The following FARP2 variants were observed in gnomAD, a reference collection of about 807,000 sequenced individuals.
The protein encoded by FARP2 is FERM, ARH/RhoGEF and pleckstrin domain protein 2.
Under a neutral mutation model 130.5 loss-of-function variants are expected in FARP2, and 111 were observed. That is an observed-to-expected ratio of 0.85 (90% confidence interval 0.73 to 1.00). The LOEUF (loss-of-function observed/expected upper bound fraction) is 1.00. Ranked by LOEUF, FARP2 falls within the 50% of genes least tolerant of loss-of-function variation. The pLI, the probability that FARP2 is intolerant of heterozygous loss-of-function variation, is 0.00. For synonymous variants in FARP2, 504 were observed against 516.9 expected (o/e 0.98, Z 0.34); for missense variants, 1,385 against 1,346.3 (o/e 1.03, Z -0.45).
intron 7 of FARP2, among the ~76,000 whole-genome samples, chr2:241,415,918 CA>C (rs1245263509): frequency 1.3e-5 from 2 of 151,894 alleles, no homozygotes; most frequent in Admixed American, 6.6e-5. Context: ...GAGGCAGTGA[CA>C]ACATCTTTGG....
chr2:241,391,761 T>C (rs2150328939), intron 2 of FARP2, among the ~76,000 whole-genome samples: 1 of 152,256 alleles, frequency 6.6e-6, no homozygotes, highest in African/African-American at 2.4e-5. Context: ...GGATTTGGCT[T>C]TTTTTCTCCC....
intron 2 of FARP2, among the ~76,000 whole-genome samples, chr2:241,380,456 A>T (rs2061635170): frequency 6.6e-6 from 1 of 152,146 alleles, no homozygotes; most frequent in Non-Finnish European, 1.5e-5. Context: ...AGGCTAGAAA[A>T]GCTGAGCTTG....
chr2:241,473,592 G>T (rs987558940), intron 18 of FARP2, among the ~76,000 whole-genome samples: 4 of 152,190 alleles, frequency 2.6e-5, no homozygotes, highest in East Asian at 3.8e-4. Flanking sequence ...TGGCAGTCAG[G>T]CTCCCAGCCC....
At chr2:241,492,083 C>T (rs530771816) in intron 24 of FARP2, among the ~76,000 whole-genome samples, 130 of 152,356 alleles carry the variant, frequency 8.5e-4, no homozygotes, top group Admixed American at 1.5e-3. Context: ...TATCTCACTG[C>T]ATGGGCCCGG....
chr2:241,370,899 A>G (rs1216849293), intron 1 of FARP2, among the ~76,000 whole-genome samples: 4 of 152,224 alleles, frequency 2.6e-5, no homozygotes, highest in Non-Finnish European at 4.4e-5. Flanking sequence ...AGACAGCTGA[A>G]GATGATGGGT....
Position 241,459,840 on chromosome 2 carries a change from G to A in FARP2, c.1588-2683G>A, listed in dbSNP as rs1053660593. On this transcript the variant is annotated intron_variant, in intron 14 of 26. Transcript: ENST00000264042. This position sits in a 1 kb window ranked among gnomAD's most constrained non-coding sequence, Gnocchi z 5.3. The stretch of plus-strand genomic sequence containing the variant: ...TGGGCGGGGCGGGGCGGGGGCAGGG[G>A]CGGGACGGAAGACCCTTCTCTTGGC... Among the ~76,000 whole-genome samples, 1 of 151,216 alleles carries A rather than the reference G, an allele frequency of 6.6e-6. No homozygotes were observed. The highest frequency in any genetic ancestry group is 2.4e-5 in the African/African-American group (1 of 41,036).
At position 241,468,255 on chromosome 2, in the gene FARP2, G is replaced by C; in HGVS notation, c.2009G>C (p.Cys670Ser). The C allele has an allele frequency of 6.2e-7, 1 of 1,614,052 alleles. No homozygotes were observed. Among genetic ancestry groups the C allele is most frequent in the Non-Finnish European group, 8.5e-7 (1 of 1,180,002 alleles). The change falls in exon 18 of 27, where the codon TGC becomes TCC. Residue 670 changes from cysteine to serine, a missense_variant. Physicochemically the swap from Cys to Ser is moderately radical, Grantham distance 112. Coordinates refer to ENST00000264042, the MANE Select transcript of FARP2 (RefSeq NM_014808.4). ...VYKEFELQKV[C>S]YLPLNTFLLK... ...AAGGAGTTTGAGCTGCAGAAGGTCT[G>C]CTACTTGCCTCTCAACACGTTCCTG... is the stretch of plus-strand genomic sequence containing the variant.
At chr2:241,387,994 C>T (rs2061828013) in intron 2 of FARP2, among the ~76,000 whole-genome samples, 1 of 152,066 alleles carries the variant, frequency 6.6e-6, no homozygotes, top group Non-Finnish European at 1.5e-5. Flanking sequence ...GATGGCAATA[C>T]TCTCAAACTG....
intron 12 of FARP2, among the ~76,000 whole-genome samples, chr2:241,438,669 G>A (rs997525563): frequency 7.1e-6 from 1 of 140,582 alleles, no homozygotes; most frequent in African/African-American, 2.7e-5. Context: ...TCGCTCTGTC[G>A]CCCAGGCTGG....
intron 2 of FARP2, among the ~76,000 whole-genome samples, chr2:241,391,514 G>A (rs1455124722): frequency 6.6e-6 from 1 of 152,208 alleles, no homozygotes; most frequent in Non-Finnish European, 1.5e-5. Context: ...TTCCACTGGT[G>A]TCTCTGTGAG....
At chr2:241,457,277 C>T (rs1288227424) in intron 14 of FARP2, among the ~76,000 whole-genome samples, 2 of 146,202 alleles carry the variant, frequency 1.4e-5, no homozygotes, top group South Asian at 2.1e-4. Flanking sequence ...TTCTCCCTCC[C>T]GTCCTCCCTC....
Position 241,431,701 on chromosome 2 carries a change from T to A in FARP2, c.794T>A (p.Phe265Tyr). The A allele has an allele frequency of 6.2e-7, 1 of 1,600,804 alleles. No homozygotes were observed. Among genetic ancestry groups the A allele is most frequent in the Non-Finnish European group, 8.5e-7 (1 of 1,169,984 alleles). Reference sequence around the variant, plus strand: ...CAGGGCACCACCAAAATCAACACTTTCAACTGGTCCAAGGTCCGTAAACTA... The same window carrying A: ...CAGGGCACCACCAAAATCAACACTTACAACTGGTCCAAGGTCCGTAAACTA... ...VFQGTTKINTFNWSKVRKLSF... is the reference protein window; with the variant it reads ...VFQGTTKINTYNWSKVRKLSF... The change falls in exon 9 of 27, where the codon TTC (phenylalanine) becomes TAC (tyrosine). Residue 265 changes from phenylalanine (F) to tyrosine (Y), a missense_variant. Physicochemically the swap from Phe to Tyr is conservative, Grantham distance 22 (BLOSUM62 3). Transcript: ENST00000264042.
chr2:241,474,414 C>T (rs1278598052), intron 18 of FARP2, among the ~76,000 whole-genome samples: 2 of 143,190 alleles, frequency 1.4e-5, no homozygotes, highest in Non-Finnish European at 3.0e-5. Flanking sequence ...GAGCTGAGCA[C>T]TGGGCAGTGC....
chr2:241,469,663 T>G (rs1405465061), intron 18 of FARP2, among the ~76,000 whole-genome samples: 1 of 152,216 alleles, frequency 6.6e-6, no homozygotes, highest in Admixed American at 6.5e-5. Context: ...TTAAAATGTT[T>G]CTCATTGTCA....
At chr2:241,489,729 C>G (rs1164234578) in intron 21 of FARP2, 1 of 430,308 alleles carries the variant, frequency 2.3e-6, no homozygotes, top group African/African-American at 2.0e-5. Context: ...GCTGGACCCC[C>G]CGGTGAGTAT....
At chr2:241,440,771 T>C (rs895123141) in intron 12 of FARP2, among the ~76,000 whole-genome samples, 5 of 152,130 alleles carry the variant, frequency 3.3e-5, no homozygotes, top group Non-Finnish European at 2.9e-5. Context: ...TCTCCAGCTG[T>C]ATTTTACCCC....
intron 18 of FARP2, among the ~76,000 whole-genome samples, chr2:241,470,147 C>T (rs1358339959): frequency 6.6e-6 from 1 of 152,246 alleles, no homozygotes; most frequent in East Asian, 1.9e-4. Context: ...TTACCAGCCT[C>T]TTGGTCTTCC....
chr2:241,403,684 TTA>T, intron 2 of FARP2, 142 bp from the exon 3 acceptor site: 1 of 433,366 alleles, frequency 2.3e-6, no homozygotes. Flanking sequence ...ACTTTTTTTT[TTA>T]TATATAGTTT....
intron 2 of FARP2, among the ~76,000 whole-genome samples, chr2:241,381,953 C>T (rs2061671600): frequency 6.6e-6 from 1 of 152,186 alleles, no homozygotes; most frequent in Admixed American, 6.5e-5. Flanking sequence ...CGCCATCTCT[C>T]AAGGTTCCTC....
Sources: gnomAD v4.1 joint callset for allele counts (sites outside exome capture counted in the v4.1 genomes callset) on GRCh38, gnomAD v4.1.1 for gene constraint, Gnocchi (gnomAD v3.1) non-coding constraint, MANE v1.5 for transcripts, NCBI Gene and HGNC (gene_info 2026-07-23, HGNC 2026-07-21) for gene names.